ZFYVE9: variants seen among roughly 807,000 people sequenced by gnomAD.
The protein encoded by ZFYVE9 is zinc finger FYVE domain-containing protein 9.
Under a neutral mutation model 126.7 loss-of-function variants are expected in ZFYVE9, and 43 were observed. The observed-to-expected ratio is 0.34, with a 90% CI of 0.27 to 0.44. ZFYVE9 has a LOEUF of 0.44. Among genes scored for constraint, ZFYVE9 ranks in the 20% least tolerant of loss-of-function variants. ZFYVE9 has a pLI of 1.00. For synonymous variants in ZFYVE9, 521 were observed against 597.4 expected, an observed-to-expected ratio of 0.87 and a Z score of 1.87; for missense variants, 1,476 against 1,697.0, an observed-to-expected ratio of 0.87 and a Z score of 2.29.
At chr1:52,146,027 C>CCA (rs1168051378) in intron 1 of ZFYVE9, among the ~76,000 whole-genome samples, 2,288 of 145,682 alleles carry the variant, frequency 0.016, 29 homozygotes, top group East Asian at 0.033. Flanking sequence ...TCAAAAATAT[C>CCA]CACACACACA....
rs1264656247 is a variant in ZFYVE9, at chr1:52,142,714, A to G, written c.-143+311A>G. Among the ~76,000 whole-genome samples, 1 of 152,102 alleles carries G rather than the reference A, an allele frequency of 6.6e-6. No homozygotes were observed. The highest frequency in any genetic ancestry group is 1.9e-4 in the East Asian group (1 of 5,138). ...GTTTGCATGGGCCCGGGCCGAGCGC[A>G]GCCTCTTAGCCCGGGCCCTGCACGT... On this transcript the variant is annotated intron_variant, in intron 1 of 18. Coordinates refer to ENST00000287727, the MANE Select transcript of ZFYVE9 (RefSeq NM_004799.4). The surrounding 1 kb of genome is among the most constrained non-coding windows in gnomAD (Gnocchi z 4.5).
Position 52,263,754 on chromosome 1 carries a change from C to CCCCT in ZFYVE9, c.2179-16_2179-15insTCCC, listed in dbSNP as rs780773582. The CCCCT allele has an allele frequency of 4.9e-6, 1 of 202,930 alleles. No homozygotes were observed. The highest frequency in any genetic ancestry group is 1.1e-4 in the African/African-American group (1 of 8,752). The allele number at this position is 202,930 out of a possible 1,614,324, so 12.6% of individuals were successfully genotyped here. On this transcript the variant is annotated intron_variant, in intron 4 of 18. Transcript: ENST00000287727. ...TCCCAAGTAAATTTTGTGTGTTCTT[C>CCCCT]CCCCCCCCCCCCCCACAGGTTTTCT...
At chr1:52,160,589 A>T in intron 1 of ZFYVE9, 1 of 729,542 alleles carries the variant, frequency 1.4e-6, no homozygotes, top group Non-Finnish European at 2.5e-6. Context: ...AATACATTCA[A>T]AGGAATAGTC....
chr1:52,163,281 A>G (rs1644480199), intron 1 of ZFYVE9, among the ~76,000 whole-genome samples: 1 of 152,196 alleles, frequency 6.6e-6, no homozygotes, highest in Admixed American at 6.5e-5. Flanking sequence ...TTCTTCATGA[A>G]CATTAACTAT....
At chr1:52,222,385 A>G (rs1374431829) in intron 2 of ZFYVE9, among the ~76,000 whole-genome samples, 1 of 152,220 alleles carries the variant, frequency 6.6e-6, no homozygotes, top group Non-Finnish European at 1.5e-5. Flanking sequence ...CTTCTGCTGA[A>G]GGGCAAGCCC....
intron 1 of ZFYVE9, among the ~76,000 whole-genome samples, chr1:52,177,171 C>T (rs1334138693): frequency 3.4e-5 from 5 of 144,968 alleles, no homozygotes; most frequent in Admixed American, 6.9e-5. Context: ...TTTTTTGAGA[C>T]GGACTCTCCC....
rs572901856 is a variant in ZFYVE9 at position 52,283,870 on chromosome 1, A to G, written c.3025+2054A>G. Among the ~76,000 whole-genome samples the G allele has an allele frequency of 7.2e-5, 11 of 152,272 alleles. No individual in the cohort carries two copies. The South Asian group carries it at 2.3e-3, about 32-fold the overall frequency. ...ATAATATATAGATTATACCTCAGTA[A>G]AATTTATTTTTTAAAAAGATATTGC... is the stretch of plus-strand genomic sequence containing the variant. On this transcript the variant is annotated intron_variant, in intron 10 of 18. Coordinates refer to ENST00000287727, the MANE Select transcript of ZFYVE9 (RefSeq NM_004799.4).
At position 52,263,766 on chromosome 1, in the gene ZFYVE9, C is replaced by G. The variant is rs780858039; in HGVS notation, c.2179-7C>G. The G allele has an allele frequency of 1.4e-4, 169 of 1,221,862 alleles. 4 individuals are homozygous for G. Among genetic ancestry groups the G allele is most frequent in the East Asian group, 1.3e-3 (53 of 41,402 alleles). The allele number at this position is 1,221,862 out of a possible 1,614,324, so 75.7% of individuals were successfully genotyped here. A position where few individuals can be genotyped will look rare whatever the true frequency, so the allele number is the denominator to read the frequency against. On this transcript the variant is annotated splice_polypyrimidine_tract_variant and splice_region_variant and intron_variant, in intron 4 of 18. Coordinates refer to ENST00000287727, the MANE Select transcript of ZFYVE9 (RefSeq NM_004799.4). ...TTTGTGTGTTCTTCCCCCCCCCCCC[C>G]CCACAGGTTTTCTGTGCTTCCTGCT... is the stretch of plus-strand genomic sequence containing the variant.
intron 1 of ZFYVE9, among the ~76,000 whole-genome samples, chr1:52,191,058 C>T (rs552512973): frequency 4.3e-4 from 66 of 152,170 alleles, no homozygotes; most frequent in African/African-American, 1.4e-3. Context: ...AGCCCCCTAA[C>T]GCCTCCAGTG....
At chr1:52,253,064 G>A (rs550974229) in intron 4 of ZFYVE9, among the ~76,000 whole-genome samples, 1 of 152,278 alleles carries the variant, frequency 6.6e-6, no homozygotes, top group South Asian at 2.1e-4. Context: ...TACTCAAGAG[G>A]ATCACCTGAG....
chr1:52,278,197 A>C (rs974949105), intron 8 of ZFYVE9, among the ~76,000 whole-genome samples: 1 of 151,978 alleles, frequency 6.6e-6, no homozygotes, highest in Non-Finnish European at 1.5e-5. Flanking sequence ...TAGTTGGAAA[A>C]TTTTTATTAA....
intron 14 of ZFYVE9, among the ~76,000 whole-genome samples, chr1:52,333,282 T>C (rs1557524682): frequency 7.1e-6 from 1 of 140,216 alleles, no homozygotes; most frequent in Non-Finnish European, 1.5e-5. Context: ...ACTTAAAGTA[T>C]AATAATTAAA....
chr1:52,297,148 C>G (rs1294101337), intron 12 of ZFYVE9, among the ~76,000 whole-genome samples: 1 of 152,116 alleles, frequency 6.6e-6, no homozygotes, highest in African/African-American at 2.4e-5. Flanking sequence ...CCTGGTTGAA[C>G]TACCTAACTA....
Position 52,152,639 on chromosome 1 carries a change from G to C in ZFYVE9, c.-143+10236G>C, listed in dbSNP as rs1286467095. On this transcript the variant is annotated intron_variant, in intron 1 of 18. Transcript: ENST00000287727. ...ACAGTATCCTGTCTCTCCCAGCATA[G>C]TGATTAAATTACAGGCTCTAGAGTC... 1.3e-5 allele frequency among the ~76,000 whole-genome samples: 2 copies of C among 152,112 alleles called. 1 individual carries two copies. Among genetic ancestry groups the C allele is most frequent in the East Asian group, 3.9e-4 (2 of 5,194 alleles).
chr1:52,229,348 G>T (rs1376273212), intron 2 of ZFYVE9, among the ~76,000 whole-genome samples: 1 of 152,268 alleles, frequency 6.6e-6, no homozygotes, highest in East Asian at 1.9e-4. Flanking sequence ...TTAAACTGTT[G>T]TGGTGGTACT....
chr1:52,219,283 A>G (rs1302595693), intron 2 of ZFYVE9, among the ~76,000 whole-genome samples: 2 of 152,144 alleles, frequency 1.3e-5, no homozygotes, highest in African/African-American at 2.4e-5. Context: ...TACATTGATA[A>G]TAAGGTGTCC....
At chr1:52,282,719 G>T (rs774094739) in intron 10 of ZFYVE9, among the ~76,000 whole-genome samples, 1 of 152,120 alleles carries the variant, frequency 6.6e-6, no homozygotes, top group Non-Finnish European at 1.5e-5. Context: ...AGGGTTTATT[G>T]CAACATTACC....
intron 9 of ZFYVE9, among the ~76,000 whole-genome samples, chr1:52,281,258 G>A (rs1158443592): frequency 3.3e-5 from 5 of 150,910 alleles, no homozygotes; most frequent in Non-Finnish European, 5.9e-5. Flanking sequence ...TCAGCCTCCC[G>A]AGTAGCTGGG....
At chr1:52,193,140 C>T (rs1247419849) in intron 1 of ZFYVE9, among the ~76,000 whole-genome samples, 1 of 152,094 alleles carries the variant, frequency 6.6e-6, no homozygotes, top group African/African-American at 2.4e-5. Context: ...ACTCCAACTT[C>T]TGGGCTCAAA....
Sources: gnomAD v4.1 joint callset for allele counts (sites outside exome capture counted in the v4.1 genomes callset) on GRCh38, gnomAD v4.1.1 for gene constraint, Gnocchi (gnomAD v3.1) non-coding constraint, MANE v1.5 for transcripts, NCBI Gene and HGNC (gene_info 2026-07-23, HGNC 2026-07-21) for gene names.